FBRSL1: variants seen among roughly 807,000 people sequenced by gnomAD.
FBRSL1 encodes the protein fibrosin like 1, also known as fibrosin-1-like protein.
In FBRSL1, 51 loss-of-function variants were observed where a neutral mutation model predicts 89.6. That is an observed-to-expected ratio of 0.57 (90% CI 0.45 to 0.72). FBRSL1 has a LOEUF of 0.72. Among genes scored for constraint, FBRSL1 ranks in the 30% least tolerant of loss-of-function variants. The pLI is 0.00. For synonymous variants in FBRSL1, 779 were observed against 681.1 expected, an observed-to-expected ratio of 1.14 and a Z score of -2.24; for missense variants, 1,618 against 1,451.8, an observed-to-expected ratio of 1.11 and a Z score of -1.86.
At chr12:132,550,138 G>A (rs1007390742) in intron 5 of FBRSL1, among the ~76,000 whole-genome samples, 6 of 150,448 alleles carry the variant, frequency 4.0e-5, no homozygotes, top group African/African-American at 7.3e-5. Context: ...TTGGCATTCC[G>A]TGCCGTTGGG....
At chr12:132,552,254 C>A (rs969011860) in intron 5 of FBRSL1, 2 of 157,948 alleles carry the variant, frequency 1.3e-5, no homozygotes, top group Admixed American at 1.2e-4. Flanking sequence ...GGCGCTGTGC[C>A]CGACTGGGTC....
At chr12:132,515,701 A>T (rs759514458) in intron 2 of FBRSL1, among the ~76,000 whole-genome samples, 29 of 152,038 alleles carry the variant, frequency 1.9e-4, no homozygotes, top group Non-Finnish European at 3.4e-4. Context: ...GGAGTTCAAG[A>T]CCAGCCTGGC....
At chr12:132,577,489 C>T (rs1026062787) in intron 15 of FBRSL1, among the ~76,000 whole-genome samples, 1 of 152,202 alleles carries the variant, frequency 6.6e-6, no homozygotes, top group Non-Finnish European at 1.5e-5. Flanking sequence ...CCCGGGGTCC[C>T]AGGACGGGCC....
chr12:132,575,576 A>G (rs944627227), intron 14 of FBRSL1, among the ~76,000 whole-genome samples: 1 of 152,264 alleles, frequency 6.6e-6, no homozygotes, highest in African/African-American at 2.4e-5. Context: ...ACTTCTGGAC[A>G]CACAGCAGAG....
intron 2 of FBRSL1, 60 bp downstream of exon 2, chr12:132,508,410 G>C: frequency 7.3e-7 from 1 of 1,372,696 alleles, no homozygotes; most frequent in South Asian, 1.5e-5. Flanking sequence ...CCGCCCCAGG[G>C]CCATGCCAGC....
intron 1 of FBRSL1, among the ~76,000 whole-genome samples, chr12:132,492,691 G>A (rs1464031914): frequency 6.6e-6 from 1 of 152,252 alleles, no homozygotes; most frequent in Non-Finnish European, 1.5e-5. Context: ...GTGGGTTTTG[G>A]TGACTTCGGC....
At chr12:132,519,373 T>C (rs2035146437) in intron 2 of FBRSL1, among the ~76,000 whole-genome samples, 1 of 152,240 alleles carries the variant, frequency 6.6e-6, no homozygotes, top group Non-Finnish European at 1.5e-5. Flanking sequence ...ACAGCCATAC[T>C]GCGTGGTGTT....
At chr12:132,496,659 T>C (rs2032081517) in intron 1 of FBRSL1, among the ~76,000 whole-genome samples, 1 of 152,204 alleles carries the variant, frequency 6.6e-6, no homozygotes. Flanking sequence ...TGTGAGTGTG[T>C]CCAGAGCGTG....
At chr12:132,555,610 G>A (rs528538756) in intron 5 of FBRSL1, among the ~76,000 whole-genome samples, 15 of 152,180 alleles carry the variant, frequency 9.9e-5, no homozygotes, top group Admixed American at 9.8e-4. Context: ...ATGGTGTTGG[G>A]TTCATGCTCC....
In FBRSL1 at chr12:132,490,535, T is replaced by G. The variant is rs1278296302; in HGVS notation, c.-36T>G. ...CCTGCTGCGAGCCAGGCGCGGGGCG[T>G]CAAGGTCACCGGCCCGACGGGGCGC... On this transcript the variant is annotated 5_prime_UTR_variant, in exon 1 of 19. Coordinates refer to ENST00000680143, the MANE Select transcript of FBRSL1 (RefSeq NM_001367871.1). The G allele has an allele frequency of 2.0e-6, 2 of 978,662 alleles. No homozygotes were observed. The highest frequency in any genetic ancestry group is 3.6e-5 in the African/African-American group (2 of 55,852). The allele number at this position is 978,662 out of a possible 1,614,324, so 60.6% of individuals were successfully genotyped here. A position where few individuals can be genotyped will look rare whatever the true frequency, so the allele number is the denominator to read the frequency against.
rs1384844704 is a variant in FBRSL1, at chr12:132,528,512, G to A, written c.615+524G>A. Among the ~76,000 whole-genome samples, 21 of 152,128 alleles carry A rather than the reference G, an allele frequency of 1.4e-4. 1 individual carries two copies. Among genetic ancestry groups the A allele is most frequent in the Admixed American group, 1.3e-3 (20 of 15,276 alleles). ...ACACCCAGGGAGCCAGCACCCCGTG[G>A]CGGGCAGGGGGAAGGAGACCTGTGT... On this transcript the variant is annotated intron_variant, in intron 4 of 18. Transcript: ENST00000680143.
chr12:132,493,666 A>G (rs1407100441), intron 1 of FBRSL1, among the ~76,000 whole-genome samples: 3 of 151,822 alleles, frequency 2.0e-5, no homozygotes, highest in Admixed American at 6.6e-5. Flanking sequence ...TGTGCCCTGG[A>G]TGGGACACAC....
chr12:132,522,931 G>T (rs531020002), intron 2 of FBRSL1, among the ~76,000 whole-genome samples: 452 of 152,322 alleles, frequency 3.0e-3, no homozygotes, highest in African/African-American at 0.01. Context: ...TCACTCTAGG[G>T]GGGGCAGGGG....
chr12:132,538,801 A>C (rs1332598407), intron 4 of FBRSL1, among the ~76,000 whole-genome samples: 2 of 151,704 alleles, frequency 1.3e-5, no homozygotes, highest in Admixed American at 1.3e-4. Context: ...TAAAAACTGA[A>C]TTTGCTGAGT....
intron 1 of FBRSL1, among the ~76,000 whole-genome samples, chr12:132,506,015 A>C (rs1050506724): frequency 2.0e-5 from 3 of 152,272 alleles, no homozygotes; most frequent in South Asian, 4.1e-4. Context: ...CTGGAGCCGG[A>C]GATGTCGGAG....
intron 2 of FBRSL1, among the ~76,000 whole-genome samples, chr12:132,512,640 C>T (rs1385406096): frequency 1.3e-5 from 2 of 152,240 alleles, no homozygotes; most frequent in Non-Finnish European, 2.9e-5. Flanking sequence ...CCCCCGGGCT[C>T]CTGTGAGTAC....
intron 1 of FBRSL1, among the ~76,000 whole-genome samples, chr12:132,503,438 C>T (rs541919281): frequency 4.2e-4 from 64 of 152,324 alleles, no homozygotes; most frequent in Middle Eastern, 3.4e-3. Context: ...CCGGCCAAGG[C>T]GACATTGGAC....
Position 132,582,232 on chromosome 12 carries a change from C to A in FBRSL1, c.2167C>A (p.Arg723=). ...GGTGTCAGCCCTGACCAACCATGAC[C>A]GAGAGCCGGACAATGGCAAGGAGGA... is the stretch of plus-strand genomic sequence containing the variant. ...ERVSALTNHD[R]EPDNGKEEQE... is the part of the protein sequence containing the mutation. Residue 723 remains arginine, a synonymous_variant, in exon 18 of 19, where the codon CGA becomes AGA. Coordinates refer to ENST00000680143, the MANE Select transcript of FBRSL1 (RefSeq NM_001367871.1). The A allele has an allele frequency of 6.5e-7, 1 of 1,550,214 alleles. No individual in the cohort carries two copies. The highest frequency in any genetic ancestry group is 8.7e-7 in the Non-Finnish European group (1 of 1,146,852).
chr12:132,528,827 G>T (rs935921176), intron 4 of FBRSL1, among the ~76,000 whole-genome samples: 7 of 152,140 alleles, frequency 4.6e-5, no homozygotes, highest in African/African-American at 1.7e-4. Context: ...ACACGGGTGT[G>T]TTTCAGGGTG....
Sources: allele counts gnomAD v4.1 joint callset (sites outside exome capture counted in the v4.1 genomes callset), GRCh38; gene constraint gnomAD v4.1.1; transcripts MANE v1.5; gene names NCBI Gene and HGNC (gene_info 2026-07-23, HGNC 2026-07-21).